Variants in ARHGAP17 observed in about 807,000 individuals in gnomAD.
ARHGAP17 encodes the protein rho GTPase-activating protein 17.
A neutral mutation model predicts 99.5 loss-of-function variants in ARHGAP17; 57 were observed. That is an observed-to-expected ratio of 0.57 (90% CI 0.46 to 0.71). The LOEUF (loss-of-function observed/expected upper bound fraction) is 0.71. ARHGAP17 is among the 30% of genes least tolerant of loss of function. The probability of loss-of-function intolerance (pLI) is 0.00; values close to 1 mark genes in which losing one functional copy is unlikely to be tolerated. For missense variants in ARHGAP17, 1,000 were observed against 1,122.4 expected (o/e 0.89, Z 1.56); for synonymous variants, 417 against 429.6 (o/e 0.97, Z 0.36).
chr16:24,976,005 T>C (rs1017620097), intron 3 of ARHGAP17, among the ~76,000 whole-genome samples: 1 of 151,028 alleles, frequency 6.6e-6, no homozygotes, highest in African/African-American at 2.4e-5. Flanking sequence ...TGATAAAGTC[T>C]ATGAGCTAGG....
At chr16:24,972,897 G>A (rs929987016) in intron 3 of ARHGAP17, among the ~76,000 whole-genome samples, 2 of 151,818 alleles carry the variant, frequency 1.3e-5, no homozygotes, top group African/African-American at 2.4e-5. Context: ...GGAGGGCTTC[G>A]TGCTTCCTAG....
At chr16:24,982,992 A>ATATT in intron 1 of ARHGAP17, among the ~76,000 whole-genome samples, 1 of 28,764 alleles carries the variant, frequency 3.5e-5, no homozygotes, top group South Asian at 1.5e-3. Flanking sequence ...ATATATATAT[A>ATATT]TATATTTTTT....
At chr16:24,935,184 C>G (rs2051101672) in intron 18 of ARHGAP17, among the ~76,000 whole-genome samples, 1 of 152,188 alleles carries the variant, frequency 6.6e-6, no homozygotes, top group East Asian at 1.9e-4. Context: ...AGTCTCCAAA[C>G]AGAGCGAGGG....
At chr16:25,013,950 A>T (rs1425808768) in intron 1 of ARHGAP17, 1 of 152,188 alleles carries the variant, frequency 6.6e-6, no homozygotes, top group Admixed American at 6.5e-5. Context: ...TTATTTCTTT[A>T]ATTTTCCTGC....
intron 1 of ARHGAP17, among the ~76,000 whole-genome samples, chr16:25,011,676 G>A (rs569097003): frequency 1.7e-4 from 25 of 150,248 alleles, no homozygotes; most frequent in African/African-American, 5.7e-4. Context: ...TCCAACCTGG[G>A]TGACAGAGCC....
At position 24,931,014 on chromosome 16, in the gene ARHGAP17, C is replaced by T. The variant is rs779669828; in HGVS notation, c.2285G>A (p.Ser762Asn). ...HTPPQTPTPP[S>N]TPPLGKQNPS... ...GTTCTGTTTTCCTAGGGGCGGAGTACTGGGGGGCGTTGGAGTCTGGGGAGG... is the reference window on the plus strand; with the variant it reads ...GTTCTGTTTTCCTAGGGGCGGAGTATTGGGGGGCGTTGGAGTCTGGGGAGG... Residue 762 changes from serine to asparagine, a missense_variant, in exon 19 of 20, where the codon AGT (serine) becomes AAT (asparagine). Transcript: ENST00000289968. 11 of 1,612,238 alleles carry T rather than the reference C, an allele frequency of 6.8e-6. No individual in the cohort carries two copies. The highest frequency in any genetic ancestry group is 1.7e-5 in the Admixed American group (1 of 59,866).
chr16:24,991,516 C>G (rs1012090753), intron 1 of ARHGAP17, among the ~76,000 whole-genome samples: 1 of 151,702 alleles, frequency 6.6e-6, no homozygotes, highest in African/African-American at 2.4e-5. Flanking sequence ...AGGAGTAGCG[C>G]AGGACGTTCA....
At chr16:24,948,220 G>A (rs925628474) in intron 13 of ARHGAP17, among the ~76,000 whole-genome samples, 2 of 152,212 alleles carry the variant, frequency 1.3e-5, no homozygotes, top group Non-Finnish European at 2.9e-5. Flanking sequence ...AGCAAAAAAG[G>A]TAAGGGGGAG....
chr16:24,981,675 T>C (rs1597449120), intron 1 of ARHGAP17, among the ~76,000 whole-genome samples: 1 of 152,212 alleles, frequency 6.6e-6, no homozygotes, highest in East Asian at 1.9e-4. Context: ...GGTAAGTCTT[T>C]TACTATATTA....
intron 19 of ARHGAP17, among the ~76,000 whole-genome samples, chr16:24,929,194 T>C (rs560467680): frequency 5.3e-5 from 8 of 151,542 alleles, no homozygotes; most frequent in Non-Finnish European, 1.0e-4. Flanking sequence ...GGTCTCACTC[T>C]GTCATGCAGG....
chr16:24,991,730 C>T (rs912816561), intron 1 of ARHGAP17, among the ~76,000 whole-genome samples: 2 of 152,332 alleles, frequency 1.3e-5, no homozygotes, highest in African/African-American at 2.4e-5. Flanking sequence ...CTCAGCTGAG[C>T]ATGCATTCAC....
At chr16:24,944,868 G>A (rs1340288319) in intron 14 of ARHGAP17, among the ~76,000 whole-genome samples, 5 of 151,520 alleles carry the variant, frequency 3.3e-5, no homozygotes, top group South Asian at 2.1e-4. Context: ...TGCCCGTCTC[G>A]GCCTCCCAAA....
At chr16:24,975,886 G>A (rs2052498993) in intron 3 of ARHGAP17, among the ~76,000 whole-genome samples, 2 of 152,104 alleles carry the variant, frequency 1.3e-5, no homozygotes, top group South Asian at 2.1e-4. Flanking sequence ...GGAACTGAAC[G>A]CTCTGAACAA....
At chr16:24,932,981 C>T (rs1372160433) in intron 18 of ARHGAP17, among the ~76,000 whole-genome samples, 1 of 152,152 alleles carries the variant, frequency 6.6e-6, no homozygotes, top group Non-Finnish European at 1.5e-5. Context: ...TATAAATTAT[C>T]TCATTCAAGT....
At position 24,954,647 on chromosome 16, in the gene ARHGAP17, C is replaced by T. The variant is rs1486613012; in HGVS notation, c.808G>A (p.Glu270Lys). 3 of 1,613,968 alleles carry T rather than the reference C, an allele frequency of 1.9e-6. No homozygotes were observed. Among genetic ancestry groups the T allele is most frequent in the African/African-American group, 2.7e-5 (2 of 74,938 alleles). Residue 270 changes from glutamate to lysine, a missense_variant, in exon 10 of 20, where the codon GAA (glutamate) becomes AAA (lysine). By Grantham distance (56) the Glu-to-Lys change is moderately conservative. This residue lies in a region of ARHGAP17 where 472 missense variants were observed against 611.1 expected (regional missense o/e 0.77). Coordinates refer to ENST00000289968, the MANE Select transcript of ARHGAP17 (RefSeq NM_001006634.3). Reference protein sequence around the residue: ...RSGREIALPIEACVMLLLETG... With the variant: ...RSGREIALPIKACVMLLLETG... ...TCCAGAAGCAGCATGACACAGGCTT[C>T]AATGGGCAGCGCAATCTCGCGCCCG...
intron 19 of ARHGAP17, among the ~76,000 whole-genome samples, chr16:24,926,898 G>C (rs572672539): frequency 2.6e-5 from 4 of 152,284 alleles, no homozygotes; most frequent in Admixed American, 1.3e-4. Context: ...GGCCGGGTCC[G>C]GGCGTATGAG....
chr16:24,991,392 G>C (rs1027306269), intron 1 of ARHGAP17, among the ~76,000 whole-genome samples: 8 of 152,170 alleles, frequency 5.3e-5, no homozygotes, highest in African/African-American at 1.9e-4. Context: ...TAAATCCCAA[G>C]TCTTATCTAA....
chr16:25,013,738 C>G (rs1226792440), intron 1 of ARHGAP17: 1 of 152,146 alleles, frequency 6.6e-6, no homozygotes. Context: ...GTGAAAGTCC[C>G]TTACCTGTCA....
At position 24,979,407 on chromosome 16, in the gene ARHGAP17, A is replaced by AC. The variant is rs201103973; in HGVS notation, c.54-403dup. On this transcript the variant is annotated intron_variant, in intron 1 of 19. Transcript: ENST00000289968. ...GAATTCCATTGCAGGAGGTCTAGAG[A>AC]CATGGCTTTGAGAAAACACTGTTCT... 1.3e-3 allele frequency among the ~76,000 whole-genome samples: 194 copies of AC among 152,298 alleles called. No homozygotes were observed. In the South Asian group the frequency reaches 0.028, roughly 22 times the overall value.
Sources: gnomAD v4.1 joint callset for allele counts (sites outside exome capture counted in the v4.1 genomes callset) on GRCh38, gnomAD v4.1.1 for gene constraint, gnomAD v4.1.1 regional missense constraint, MANE v1.5 for transcripts, NCBI Gene and HGNC (gene_info 2026-07-23, HGNC 2026-07-21) for gene names.